Variants in CDK14 observed in about 807,000 individuals in gnomAD.
The protein encoded by CDK14 is cyclin-dependent kinase 14.
Under a neutral mutation model 60.7 loss-of-function variants are expected in CDK14, and 34 were observed. That is an observed-to-expected ratio of 0.56 (90% CI 0.43 to 0.75). CDK14 has a LOEUF of 0.75. CDK14 is among the 30% of genes least tolerant of loss of function. CDK14 has a pLI of 0.00. For synonymous variants in CDK14, 197 were observed against 203.7 expected, an observed-to-expected ratio of 0.97 and a Z score of 0.28; for missense variants, 482 against 564.1, an observed-to-expected ratio of 0.85 and a Z score of 1.47.
intron 14 of CDK14, among the ~76,000 whole-genome samples, chr7:91,185,137 C>T (rs759844948): frequency 6.8e-6 from 1 of 147,588 alleles, no homozygotes; most frequent in African/African-American, 2.5e-5. Context: ...ATTCTAGACC[C>T]GGGGGACTCA....
chr7:90,983,892 G>A (rs1030439232), intron 9 of CDK14, among the ~76,000 whole-genome samples: 1 of 152,034 alleles, frequency 6.6e-6, no homozygotes, highest in African/African-American at 2.4e-5. Context: ...GGAGGCAAGG[G>A]TTAACAAACT....
intron 12 of CDK14, among the ~76,000 whole-genome samples, chr7:91,081,899 A>AT (rs754988969): frequency 2.0e-4 from 31 of 151,882 alleles, no homozygotes; most frequent in Admixed American, 3.9e-4. Flanking sequence ...ATAAATATAT[A>AT]TTAAAAAAAA....
chr7:90,639,827 GC>G (rs1421410966), intron 2 of CDK14, among the ~76,000 whole-genome samples: 1 of 152,148 alleles, frequency 6.6e-6, no homozygotes, highest in Non-Finnish European at 1.5e-5. Context: ...GCAATGGCGG[GC>G]GCCCCTCCCC....
intron 8 of CDK14, among the ~76,000 whole-genome samples, chr7:90,921,715 G>A (rs1175647950): frequency 2.0e-5 from 3 of 151,948 alleles, no homozygotes; most frequent in African/African-American, 7.3e-5. Flanking sequence ...AGCATTTAAG[G>A]ACTTAGCTTA....
intron 10 of CDK14, among the ~76,000 whole-genome samples, chr7:91,042,119 A>G (rs1398667701): frequency 2.0e-5 from 3 of 152,312 alleles, no homozygotes; most frequent in Middle Eastern, 3.4e-3. Flanking sequence ...CTGAAGCTAC[A>G]AATAGAGGTA....
intron 5 of CDK14, among the ~76,000 whole-genome samples, chr7:90,806,102 C>T (rs1173374151): frequency 6.6e-6 from 1 of 152,108 alleles, no homozygotes; most frequent in Non-Finnish European, 1.5e-5. Flanking sequence ...AAAAGATATA[C>T]ACCCTTATAT....
intron 14 of CDK14, among the ~76,000 whole-genome samples, chr7:91,184,196 C>A (rs1336409100): frequency 1.8e-4 from 1 of 5,554 alleles, no homozygotes; most frequent in Non-Finnish European, 5.5e-4. Context: ...CAGAGTGAGG[C>A]TCCGTCTTAA....
intron 2 of CDK14, among the ~76,000 whole-genome samples, chr7:90,630,888 ATGTGTG>A (rs55859300): frequency 6.3e-4 from 94 of 148,466 alleles, no homozygotes; most frequent in East Asian, 4.0e-3. Flanking sequence ...TGGGGTGTGT[ATGTGTG>A]TGTGTGTGTG....
chr7:90,939,793 GC>G (rs1233100738), intron 8 of CDK14, among the ~76,000 whole-genome samples: 1 of 151,978 alleles, frequency 6.6e-6, no homozygotes, highest in Non-Finnish European at 1.5e-5. Context: ...GGTTTTAGTA[GC>G]TAAATGAGCT....
At chr7:90,747,825 C>T in intron 4 of CDK14, 50 bp downstream of exon 4, 1 of 800,810 alleles carries the variant, frequency 1.2e-6, no homozygotes, top group Non-Finnish European at 1.9e-6. Context: ...TATCTGCCCT[C>T]TTATTACTAA....
chr7:90,652,169 A>G (rs1800658648), intron 2 of CDK14, among the ~76,000 whole-genome samples: 1 of 151,704 alleles, frequency 6.6e-6, no homozygotes, highest in African/African-American at 2.4e-5. Context: ...TAATTCCCTC[A>G]TTTTCTTATT....
chr7:90,920,403 C>G (rs1023201230), intron 8 of CDK14, among the ~76,000 whole-genome samples: 1 of 152,104 alleles, frequency 6.6e-6, no homozygotes, highest in African/African-American at 2.4e-5. Context: ...AGGGAAAAGA[C>G]TAAAATTTAT....
At chr7:91,141,259 G>A (rs1241012406) in intron 14 of CDK14, among the ~76,000 whole-genome samples, 1 of 152,182 alleles carries the variant, frequency 6.6e-6, no homozygotes, top group Non-Finnish European at 1.5e-5. Context: ...TAGTCATGTA[G>A]TTAGAGTGGT....
At chr7:90,665,585 C>CT (rs1800962378) in intron 2 of CDK14, among the ~76,000 whole-genome samples, 1 of 152,158 alleles carries the variant, frequency 6.6e-6, no homozygotes, top group Non-Finnish European at 1.5e-5. Flanking sequence ...GATAGAGTAG[C>CT]TTTTAAGTAA....
chr7:91,059,240 C>T (rs1482136030), intron 11 of CDK14, among the ~76,000 whole-genome samples: 11 of 152,086 alleles, frequency 7.2e-5, no homozygotes, highest in Non-Finnish European at 1.3e-4. Flanking sequence ...TCTGTGGGAT[C>T]GGTGGTGATA....
intron 12 of CDK14, among the ~76,000 whole-genome samples, chr7:91,104,797 TA>T (rs1184755810): frequency 6.6e-6 from 1 of 152,164 alleles, no homozygotes; most frequent in African/African-American, 2.4e-5. Context: ...TTCAGATAAT[TA>T]GTTTCTGAGA....
chr7:90,820,270 C>T (rs1488539232), intron 5 of CDK14, among the ~76,000 whole-genome samples: 4 of 152,036 alleles, frequency 2.6e-5, no homozygotes, highest in Non-Finnish European at 5.9e-5. Flanking sequence ...CTTGGGCATC[C>T]CACCAATCCA....
At chr7:91,082,728 G>A (rs1798517645) in intron 12 of CDK14, among the ~76,000 whole-genome samples, 1 of 152,190 alleles carries the variant, frequency 6.6e-6, no homozygotes, top group South Asian at 2.1e-4. Flanking sequence ...TATTTTAAAG[G>A]TGACTTGCTA....
chr7:90,708,388 A>G lies in CDK14; in HGVS notation c.124-18179A>G, dbSNP rs1428107266. On this transcript the variant is annotated intron_variant, in intron 2 of 14. Coordinates refer to ENST00000380050, the MANE Select transcript of CDK14 (RefSeq NM_001287135.2). ...AGTCAGGTTCTTGAAAGACCTGTTG[A>G]AGTCTATTCTGCAAAAATGATGCTC... Among the ~76,000 whole-genome samples the G allele has an allele frequency of 3.3e-5, 5 of 152,170 alleles. No homozygotes were observed. The East Asian group carries it at 9.6e-4, about 29-fold the overall frequency.
Sources: allele counts gnomAD v4.1 joint callset (sites outside exome capture counted in the v4.1 genomes callset), GRCh38; gene constraint gnomAD v4.1.1; transcripts MANE v1.5; gene names NCBI Gene and HGNC (gene_info 2026-07-23, HGNC 2026-07-21).